ZFYVE28: variants seen among roughly 807,000 people sequenced by gnomAD.
ZFYVE28 encodes lateral signaling target protein 2 homolog.
Under a neutral mutation model 82.1 loss-of-function variants are expected in ZFYVE28, and 40 were observed. The ratio of observed to expected loss-of-function variants is 0.49; its 90% CI spans 0.38 to 0.63. ZFYVE28 has a LOEUF of 0.63. ZFYVE28 is among the 30% of genes least tolerant of loss of function. The pLI is 0.00. For missense variants in ZFYVE28, 1,321 were observed against 1,242.1 expected, an observed-to-expected ratio of 1.06 and a Z score of -0.96; for synonymous variants, 612 against 546.1, an observed-to-expected ratio of 1.12 and a Z score of -1.68.
At chr4:2,312,780 C>G (rs1286978631) in intron 7 of ZFYVE28, among the ~76,000 whole-genome samples, 1 of 148,288 alleles carries the variant, frequency 6.7e-6, no homozygotes, top group African/African-American at 2.5e-5. Context: ...TACAGTGGCT[C>G]ACACCTATAA....
At chr4:2,306,153 G>T (rs1716538517) in intron 7 of ZFYVE28, among the ~76,000 whole-genome samples, 3 of 152,280 alleles carry the variant, frequency 2.0e-5, no homozygotes. Flanking sequence ...GCTTCCTGGA[G>T]GAAGAAGCAT....
intron 1 of ZFYVE28, among the ~76,000 whole-genome samples, chr4:2,398,719 G>GA (rs2108932305): frequency 1.5e-5 from 1 of 64,958 alleles, no homozygotes; most frequent in East Asian, 5.2e-4. Flanking sequence ...GCACAAGCGG[G>GA]GGCAAGATCG....
At chr4:2,287,762 G>A (rs73797470) in intron 8 of ZFYVE28, 6,234 of 152,238 alleles carry the variant, frequency 0.041, 243 homozygotes, top group African/African-American at 0.092. Flanking sequence ...AGTGCCTTTT[G>A]TGATGTGGAC....
intron 1 of ZFYVE28, among the ~76,000 whole-genome samples, chr4:2,356,775 T>C (rs1725397278): frequency 1.3e-5 from 2 of 152,228 alleles, no homozygotes; most frequent in Admixed American, 6.5e-5. Context: ...AGGCCCCTCC[T>C]GGCCCTTCCC....
rs1489897213 is a variant in ZFYVE28, at chr4:2,418,399, G to A, written c.-76C>T. On this transcript the variant is annotated 5_prime_UTR_variant, in exon 1 of 13. Transcript: ENST00000290974. This position sits in a 1 kb window ranked among gnomAD's most constrained non-coding sequence, Gnocchi z 4.6. ...CTGCGCCCGGGCCCGGCTGAGGCGC[G>A]GGGCGGACGCGGAGGCACGGCCGGA... 5 of 1,134,552 alleles carry A rather than the reference G, an allele frequency of 4.4e-6. No homozygotes were observed. Among genetic ancestry groups the A allele is most frequent in the Non-Finnish European group, 4.4e-6 (4 of 918,236 alleles). The allele number at this position is 1,134,552 out of a possible 1,614,324, so 70.3% of individuals were successfully genotyped here. A position where few individuals can be genotyped will look rare whatever the true frequency, so the allele number is the denominator to read the frequency against.
chr4:2,338,199 G>A (rs963903476), intron 4 of ZFYVE28, among the ~76,000 whole-genome samples: 4 of 152,276 alleles, frequency 2.6e-5, no homozygotes, highest in Non-Finnish European at 5.9e-5. Flanking sequence ...AGCCCAGGCT[G>A]GGCACAGCGG....
intron 1 of ZFYVE28, among the ~76,000 whole-genome samples, chr4:2,415,677 C>A (rs1578442568): frequency 6.6e-6 from 1 of 152,156 alleles, no homozygotes; most frequent in East Asian, 1.9e-4. Flanking sequence ...CAGAATCTTC[C>A]CAGGACTGAC....
chr4:2,290,559 C>A (rs751734789), intron 8 of ZFYVE28, among the ~76,000 whole-genome samples: 9 of 152,200 alleles, frequency 5.9e-5, no homozygotes, highest in Non-Finnish European at 1.3e-4. Context: ...AAGCCGGGGG[C>A]CATGGGGGCA....
chr4:2,288,369 T>G (rs1003313116), intron 8 of ZFYVE28, among the ~76,000 whole-genome samples: 3 of 152,002 alleles, frequency 2.0e-5, no homozygotes, highest in African/African-American at 7.2e-5. Context: ...ATCTGTGCAG[T>G]GAGGGGGTGG....
chr4:2,418,636 C>G lies in ZFYVE28; in HGVS notation c.-313G>C, dbSNP rs1314014202. The G allele has an allele frequency of 6.7e-6, 1 of 149,450 alleles. No individual in the cohort carries two copies. The highest frequency in any genetic ancestry group is 1.5e-5 in the Non-Finnish European group (1 of 67,442). The allele number at this position is 149,450 out of a possible 1,614,324, so 9.3% of individuals were successfully genotyped here. On this transcript the variant is annotated 5_prime_UTR_variant, in exon 1 of 13. Transcript: ENST00000290974. The surrounding 1 kb of genome is among the most constrained non-coding windows in gnomAD (Gnocchi z 4.6). Reference sequence around the variant, plus strand: ...CGCTGCTCACTGACACCCAGCGCTCCGCTGGTCACGGCCGCCCCGCGCCGC... The same window carrying G: ...CGCTGCTCACTGACACCCAGCGCTCGGCTGGTCACGGCCGCCCCGCGCCGC...
intron 1 of ZFYVE28, among the ~76,000 whole-genome samples, chr4:2,414,577 T>C (rs944453060): frequency 2.0e-5 from 3 of 152,334 alleles, no homozygotes; most frequent in Admixed American, 6.5e-5. Flanking sequence ...TTGAGCATGG[T>C]AACCAGCCAC....
intron 1 of ZFYVE28, among the ~76,000 whole-genome samples, chr4:2,360,396 C>CACACACACACACAA (rs1315299962): frequency 6.8e-6 from 1 of 148,096 alleles, no homozygotes; most frequent in Admixed American, 6.8e-5. Flanking sequence ...TAATCACACA[C>CACACACACACACAA]ACACACACAC....
At chr4:2,364,679 C>T in intron 1 of ZFYVE28, 4 of 985,512 alleles carry the variant, frequency 4.1e-6, no homozygotes, top group Non-Finnish European at 4.8e-6. Flanking sequence ...TTAGCCTGGA[C>T]AAGCCCTTAG....
Position 2,368,586 on chromosome 4 carries a change from C to T in ZFYVE28, c.40-14513G>A, listed in dbSNP as rs181807003. The stretch of plus-strand genomic sequence containing the variant: ...GACATTTCCTGTGCATAGAATCATA[C>T]GAAATGGGGCATTTTGTGTCTGTTA... On this transcript the variant is annotated intron_variant, in intron 1 of 12. Coordinates refer to ENST00000290974, the MANE Select transcript of ZFYVE28 (RefSeq NM_020972.3). Among the ~76,000 whole-genome samples, 147 of 152,282 alleles carry T rather than the reference C, an allele frequency of 9.7e-4. 2 individuals are homozygous for T. Among genetic ancestry groups the T allele is most frequent in the Middle Eastern group, 3.4e-3 (1 of 294 alleles).
In ZFYVE28 at chr4:2,278,941, CA is replaced by C. The variant is rs61079376; in HGVS notation, c.2052-4726del. Among the ~76,000 whole-genome samples the C allele has an allele frequency of 4.4e-3, 553 of 126,510 alleles. 3 individuals are homozygous for C. The highest frequency in any genetic ancestry group is 8.4e-3 in the African/African-American group (293 of 34,824). 83.0% of individuals were successfully genotyped at this position (126,510 alleles called of 152,430 possible). On this transcript the variant is annotated intron_variant, in intron 8 of 12. Transcript: ENST00000290974. Reference sequence around the variant, plus strand: ...ACGATTAGAATGTTCCCCCCCCCCTCAAAAAAAAAAAACCCAGAAAATATGA... The same window carrying C: ...ACGATTAGAATGTTCCCCCCCCCCTCAAAAAAAAAAACCCAGAAAATATGA...
Position 2,408,298 on chromosome 4 carries a change from GC to G in ZFYVE28, c.39+9986del, listed in dbSNP as rs34925072. Among the ~76,000 whole-genome samples the G allele has an allele frequency of 6.6e-6, 1 of 152,090 alleles. No homozygotes were observed. The highest frequency in any genetic ancestry group is 1.5e-5 in the Non-Finnish European group (1 of 68,000). ...AGCATTTCCCTGCATCCCCACACCT[GC>G]CCTTTGAGATGTGACTCTGCTACTC... On this transcript the variant is annotated intron_variant, in intron 1 of 12. Coordinates refer to ENST00000290974, the MANE Select transcript of ZFYVE28 (RefSeq NM_020972.3). This position sits in a 1 kb window ranked among gnomAD's most constrained non-coding sequence, Gnocchi z 4.3.
Position 2,335,759 on chromosome 4 carries a change from A to T in ZFYVE28, c.647T>A (p.Ile216Asn). ...CATGAGGGCCGGCTCGTAGTCATCA[A>T]TCATGTCCTGAGTCAGGTACCCGAA... is the stretch of plus-strand genomic sequence containing the variant. ...LDFGYLTQDM[I>N]DDYEPALMFS... Residue 216 changes from isoleucine (I) to asparagine (N), a missense_variant, in exon 6 of 13, where the codon ATT (isoleucine) becomes AAT (asparagine). By Grantham distance (149) the Ile-to-Asn change is moderately radical. Coordinates refer to ENST00000290974, the MANE Select transcript of ZFYVE28 (RefSeq NM_020972.3). This position sits in a 1 kb window ranked among gnomAD's most constrained non-coding sequence, Gnocchi z 5.8. The T allele has an allele frequency of 6.4e-7, 1 of 1,571,814 alleles. No homozygotes were observed. The highest frequency in any genetic ancestry group is 8.6e-7 in the Non-Finnish European group (1 of 1,158,466).
intron 1 of ZFYVE28, among the ~76,000 whole-genome samples, chr4:2,398,037 G>T (rs1322319512): frequency 1.4e-3 from 6 of 4,346 alleles, no homozygotes; most frequent in Non-Finnish European, 2.5e-3. Context: ...TGAGATGGGA[G>T]GGGGGGTCCT....
intron 1 of ZFYVE28, among the ~76,000 whole-genome samples, chr4:2,390,288 G>C (rs947161799): frequency 1.3e-5 from 2 of 152,202 alleles, no homozygotes; most frequent in African/African-American, 2.4e-5. Context: ...CAGCCCTGCC[G>C]ACACCTACAT....
Sources: allele counts gnomAD v4.1 joint callset (sites outside exome capture counted in the v4.1 genomes callset), GRCh38; gene constraint gnomAD v4.1.1; non-coding constraint Gnocchi (gnomAD v3.1); transcripts MANE v1.5; gene names NCBI Gene and HGNC (gene_info 2026-07-23, HGNC 2026-07-21).